CCDC171: variants seen among roughly 807,000 people sequenced by gnomAD.
CCDC171 encodes coiled-coil domain-containing protein 171.
In CCDC171, 177 loss-of-function variants were observed where a neutral mutation model predicts 168.2. The ratio of observed to expected loss-of-function variants is 1.05; its 90% CI spans 0.93 to 1.19. The LOEUF (loss-of-function observed/expected upper bound fraction) is 1.19, where lower values mean the gene tolerates loss of function less well. Ranked by LOEUF, CCDC171 falls within the 50% of genes most tolerant of loss-of-function variation. The probability of loss-of-function intolerance (pLI) is 0.00; values close to 1 mark genes in which losing one functional copy is unlikely to be tolerated. For synonymous variants in CCDC171, 687 were observed against 540.8 expected, an observed-to-expected ratio of 1.27 and a Z score of -3.75; for missense variants, 1,991 against 1,539.0, an observed-to-expected ratio of 1.29 and a Z score of -4.91.
intron 6 of CCDC171, among the ~76,000 whole-genome samples, chr9:15,605,161 T>C (rs1455389439): frequency 6.6e-6 from 1 of 152,094 alleles, no homozygotes; most frequent in Admixed American, 6.5e-5. Context: ...TCTCCCAAAG[T>C]ATTGAGATTA....
At chr9:15,931,151 G>A (rs1826455095) in intron 25 of CCDC171, among the ~76,000 whole-genome samples, 1 of 151,642 alleles carries the variant, frequency 6.6e-6, no homozygotes, top group South Asian at 2.1e-4. Context: ...AACATTTTGA[G>A]GAAACTCCAT....
At chr9:15,613,527 CTTTT>C (rs749825977) in intron 6 of CCDC171, among the ~76,000 whole-genome samples, 1 of 139,142 alleles carries the variant, frequency 7.2e-6, no homozygotes, top group Admixed American at 7.2e-5. Context: ...TTTTTCTTTT[CTTTT>C]TTTTTTTTTT....
At chr9:15,714,346 CTG>C (rs1178724263) in intron 11 of CCDC171, among the ~76,000 whole-genome samples, 1 of 152,170 alleles carries the variant, frequency 6.6e-6, no homozygotes, top group Non-Finnish European at 1.5e-5. Context: ...ACTGTGGACA[CTG>C]TGCCAGTTGC....
rs1285273407 is a variant in CCDC171 at position 15,930,321 on chromosome 9, T to C, written c.3753+9899T>C. 2.0e-5 allele frequency among the ~76,000 whole-genome samples: 3 copies of C among 151,630 alleles called. No homozygotes were observed. The Admixed American group carries it at 2.0e-4, about 10-fold the overall frequency. ...CACTTAATGAAAATGAGTAGAATAA[T>C]TTACATATTCTATATATGGTAAAAT... is the stretch of plus-strand genomic sequence containing the variant. On this transcript the variant is annotated intron_variant, in intron 25 of 25. Transcript: ENST00000380701.
exon 4 of CCDC171, chr9:16,020,783 T>C (rs979739544): frequency 1.9e-5 from 3 of 154,314 alleles, no homozygotes; most frequent in Non-Finnish European, 4.4e-5. Flanking sequence ...TTTCATCATG[T>C]GCCTCCGAAT....
chr9:15,609,800 A>T (rs547816645), intron 6 of CCDC171, among the ~76,000 whole-genome samples: 5 of 152,196 alleles, frequency 3.3e-5, no homozygotes, highest in Admixed American at 2.0e-4. Flanking sequence ...TTTAGGGGTG[A>T]GGGAGGGGTT....
At chr9:15,991,014 C>G (rs1418524153) in intron 3 of CCDC171, among the ~76,000 whole-genome samples, 2 of 152,026 alleles carry the variant, frequency 1.3e-5, no homozygotes, top group Non-Finnish European at 2.9e-5. Flanking sequence ...TTAGACAGAT[C>G]AACGAGACAG....
intron 4 of CCDC171, among the ~76,000 whole-genome samples, chr9:15,582,353 G>A (rs376774745): frequency 0.052 from 7,968 of 152,190 alleles, 265 homozygotes; most frequent in Non-Finnish European, 0.078. Flanking sequence ...TAGTTAAACT[G>A]TTGTGGAAGA....
At chr9:15,881,325 T>C (rs939212409) in intron 24 of CCDC171, among the ~76,000 whole-genome samples, 5 of 152,192 alleles carry the variant, frequency 3.3e-5, no homozygotes, top group Non-Finnish European at 5.9e-5. Flanking sequence ...TCTCTTTTTG[T>C]TTCTTTTTCT....
chr9:15,642,814 A>G (rs537807112), intron 7 of CCDC171, among the ~76,000 whole-genome samples: 1 of 152,278 alleles, frequency 6.6e-6, no homozygotes, highest in Non-Finnish European at 1.5e-5. Flanking sequence ...TTTTGCTCTA[A>G]GCAGGAAAAA....
intron 23 of CCDC171, among the ~76,000 whole-genome samples, chr9:15,873,814 T>C (rs1424996623): frequency 6.6e-6 from 1 of 152,092 alleles, no homozygotes; most frequent in African/African-American, 2.4e-5. Context: ...ACTAGAGAAT[T>C]GGTGTTTTTC....
intron 1 of CCDC171, 81 bp from the exon 2 acceptor site, chr9:15,563,897 C>T: frequency 1.9e-6 from 1 of 540,302 alleles, no homozygotes; most frequent in South Asian, 2.4e-5. Context: ...TTACATCTTT[C>T]CAAAATAAAC....
At chr9:15,626,633 T>C (rs1008887707) in intron 7 of CCDC171, among the ~76,000 whole-genome samples, 2 of 152,360 alleles carry the variant, frequency 1.3e-5, no homozygotes, top group African/African-American at 4.8e-5. Flanking sequence ...TTTGTGTACG[T>C]TGAACCAGCT....
intron 6 of CCDC171, among the ~76,000 whole-genome samples, chr9:15,597,494 C>G (rs1241123124): frequency 1.3e-5 from 2 of 152,146 alleles, no homozygotes; most frequent in African/African-American, 2.4e-5. Flanking sequence ...GGGGATGAAG[C>G]CTACTTGATC....
intron 3 of CCDC171, among the ~76,000 whole-genome samples, chr9:15,574,952 A>G (rs2040520444): frequency 6.6e-6 from 1 of 152,158 alleles, no homozygotes; most frequent in Admixed American, 6.5e-5. Flanking sequence ...TCCAGATGAG[A>G]CTGAATTGCA....
At chr9:15,982,895 G>C (rs769037097) in intron 3 of CCDC171, among the ~76,000 whole-genome samples, 1 of 152,182 alleles carries the variant, frequency 6.6e-6, no homozygotes, top group Non-Finnish European at 1.5e-5. Context: ...GACATGGGTA[G>C]ATTCTGCAAG....
At chr9:15,587,631 C>G (rs770525471) in intron 4 of CCDC171, 4 of 456,530 alleles carry the variant, frequency 8.8e-6, no homozygotes, top group Non-Finnish European at 1.8e-5. Flanking sequence ...ATGAGCCATC[C>G]AGATCCTTCT....
intron 24 of CCDC171, among the ~76,000 whole-genome samples, chr9:15,889,583 A>G (rs1819916994): frequency 6.6e-6 from 1 of 152,180 alleles, no homozygotes; most frequent in Non-Finnish European, 1.5e-5. Flanking sequence ...AGGCTCTAAT[A>G]GGCTTTATCT....
At chr9:15,813,606 T>TTGTGTGTG (rs140437207) in intron 21 of CCDC171, among the ~76,000 whole-genome samples, 11,876 of 149,704 alleles carry the variant, frequency 0.079, 539 homozygotes, top group South Asian at 0.14. Context: ...TTACATGTAT[T>TTGTGTGTG]TGTGTGTGTG....
Sources: gnomAD v4.1 joint callset for allele counts (sites outside exome capture counted in the v4.1 genomes callset) on GRCh38, gnomAD v4.1.1 for gene constraint, MANE v1.5 for transcripts, NCBI Gene and HGNC (gene_info 2026-07-23, HGNC 2026-07-21) for gene names.